The following PPP2R2B variants were observed in gnomAD, a reference collection of about 807,000 sequenced individuals.
The protein encoded by PPP2R2B is serine/threonine-protein phosphatase 2A 55 kDa regulatory subunit B beta isoform.
A neutral mutation model predicts 46.0 loss-of-function variants in PPP2R2B; 5 were observed. That is an observed-to-expected ratio of 0.11 (90% CI 0.06 to 0.23). The LOEUF is 0.23. Among genes scored for constraint, PPP2R2B ranks in the 10% least tolerant of loss-of-function variants. The probability of loss-of-function intolerance (pLI) is 1.00; values close to 1 mark genes in which losing one functional copy is unlikely to be tolerated. For missense variants in PPP2R2B, 367 were observed against 575.0 expected (o/e 0.64, Z 3.70); for synonymous variants, 215 against 206.7 (o/e 1.04, Z -0.34).
chr5:147,019,884 G>A (rs183333634), intron 1 of PPP2R2B, among the ~76,000 whole-genome samples: 48 of 152,232 alleles, frequency 3.2e-4, no homozygotes, highest in Admixed American at 2.7e-3. Context: ...GGAATACACC[G>A]CTCAGATCTC....
At chr5:146,592,896 T>G in intron 9 of PPP2R2B, 75 bp downstream of exon 9, 1 of 1,438,948 alleles carries the variant, frequency 6.9e-7, no homozygotes, top group South Asian at 1.2e-5. Context: ...TTGGCTGTAC[T>G]CTACTTAGGA....
intron 7 of PPP2R2B, 35 bp from the exon 8 acceptor site, chr5:146,600,495 A>C: frequency 6.2e-7 from 1 of 1,604,272 alleles, no homozygotes; most frequent in South Asian, 1.1e-5. Flanking sequence ...CAAATTTAGC[A>C]ATCCTTATCA....
chr5:146,952,155 A>G (rs1751644537), intron 1 of PPP2R2B, among the ~76,000 whole-genome samples: 1 of 151,982 alleles, frequency 6.6e-6, no homozygotes. Context: ...ATATCTTCCC[A>G]TGGGAGTAAA....
chr5:146,594,513 A>G (rs1036842124), intron 8 of PPP2R2B, among the ~76,000 whole-genome samples: 8 of 152,244 alleles, frequency 5.3e-5, no homozygotes, highest in Non-Finnish European at 1.2e-4. Context: ...GGGCATACCC[A>G]ATATGCTGGC....
intron 5 of PPP2R2B, among the ~76,000 whole-genome samples, chr5:146,674,455 A>G (rs322990): frequency 0.73 from 111,158 of 152,094 alleles, 42,972 homozygotes; most frequent in Non-Finnish European, 0.86. Context: ...AATTTTGAAC[A>G]AACAATTATT....
At chr5:146,771,153 C>T (rs1349045284) in intron 2 of PPP2R2B, among the ~76,000 whole-genome samples, 1 of 152,146 alleles carries the variant, frequency 6.6e-6, no homozygotes, top group African/African-American at 2.4e-5. Context: ...AGACCCAAAG[C>T]TCCCAGTGCC....
chr5:146,908,667 T>C (rs1268034964), intron 1 of PPP2R2B, among the ~76,000 whole-genome samples: 1 of 152,058 alleles, frequency 6.6e-6, no homozygotes, highest in Non-Finnish European at 1.5e-5. Context: ...GGTGATGACC[T>C]AGAGTGTTGA....
At chr5:147,040,084 G>A (rs1756223090) in intron 1 of PPP2R2B, among the ~76,000 whole-genome samples, 3 of 152,114 alleles carry the variant, frequency 2.0e-5, no homozygotes. Flanking sequence ...TAAAATTCAT[G>A]GAGTGAAGAT....
chr5:146,897,931 T>A (rs913503306), intron 1 of PPP2R2B, among the ~76,000 whole-genome samples: 5 of 152,240 alleles, frequency 3.3e-5, no homozygotes, highest in African/African-American at 1.2e-4. Flanking sequence ...GGCTCACGCC[T>A]GTAATCCCAG....
chr5:146,993,970 C>T (rs1325852201), intron 1 of PPP2R2B, among the ~76,000 whole-genome samples: 1 of 151,618 alleles, frequency 6.6e-6, no homozygotes, highest in African/African-American at 2.4e-5. Context: ...CAGAAAACTT[C>T]TTCTCATTAA....
chr5:146,881,061 G>A (rs111894717), upstream of PPP2R2B, among the ~76,000 whole-genome samples: 195 of 152,016 alleles, frequency 1.3e-3, 1 homozygote, highest in East Asian at 0.02. Flanking sequence ...GAGCTGGGGG[G>A]CGGGGTGGGG....
At chr5:146,830,291 C>T (rs1431012870) in intron 2 of PPP2R2B, among the ~76,000 whole-genome samples, 3 of 152,084 alleles carry the variant, frequency 2.0e-5, no homozygotes, top group Non-Finnish European at 4.4e-5. Context: ...TAATTTAAGC[C>T]ACACGTTTAA....
chr5:146,704,544 T>C (rs554643931), intron 2 of PPP2R2B, among the ~76,000 whole-genome samples: 1 of 152,294 alleles, frequency 6.6e-6, no homozygotes, highest in South Asian at 2.1e-4. Context: ...AAGTACACAA[T>C]GACTAAAAAC....
intron 1 of PPP2R2B, among the ~76,000 whole-genome samples, chr5:147,010,847 C>A (rs756865874): frequency 1.3e-5 from 2 of 152,114 alleles, no homozygotes; most frequent in Non-Finnish European, 2.9e-5. Flanking sequence ...CACTCCCAAC[C>A]TACTCTACAG....
chr5:146,590,508 T>C (rs941312093), intron 9 of PPP2R2B, among the ~76,000 whole-genome samples: 3 of 151,748 alleles, frequency 2.0e-5, no homozygotes, highest in Admixed American at 6.6e-5. Context: ...CAATAGATTC[T>C]TTTTGCTTCT....
intron 2 of PPP2R2B, among the ~76,000 whole-genome samples, chr5:146,788,573 A>G (rs1271588338): frequency 6.6e-6 from 1 of 152,164 alleles, no homozygotes; most frequent in Non-Finnish European, 1.5e-5. Context: ...GCTACTGAAA[A>G]TACAAATATT....
intron 1 of PPP2R2B, among the ~76,000 whole-genome samples, chr5:146,969,161 G>T (rs1266716326): frequency 6.6e-6 from 1 of 152,188 alleles, no homozygotes; most frequent in Non-Finnish European, 1.5e-5. Flanking sequence ...GGAGCATTTG[G>T]AAGGCAGATC....
chr5:147,018,169 T>C (rs1280343983), intron 1 of PPP2R2B, among the ~76,000 whole-genome samples: 1 of 151,986 alleles, frequency 6.6e-6, no homozygotes, highest in Non-Finnish European at 1.5e-5. Flanking sequence ...AGAAAACTTG[T>C]CAAATATATA....
At chr5:146,920,646 G>A (rs1003940345) in intron 1 of PPP2R2B, among the ~76,000 whole-genome samples, 2 of 152,136 alleles carry the variant, frequency 1.3e-5, no homozygotes, top group South Asian at 2.1e-4. Context: ...TTGCTGGTAC[G>A]TGTGTACATG....
Sources: allele counts gnomAD v4.1 joint callset (sites outside exome capture counted in the v4.1 genomes callset), GRCh38; gene constraint gnomAD v4.1.1; transcripts MANE v1.5; gene names NCBI Gene and HGNC (gene_info 2026-07-23, HGNC 2026-07-21).